Variants in DNASE2B observed in about 807,000 individuals in gnomAD.
DNASE2B encodes the protein deoxyribonuclease 2 beta.
DNASE2B carries 43 observed loss-of-function variants against 46.0 expected under a neutral mutation model. The observed-to-expected ratio is 0.94, with a 90% CI of 0.73 to 1.21. The LOEUF is 1.21. Ranked by LOEUF, DNASE2B falls within the 50% of genes most tolerant of loss-of-function variation. The pLI, the probability that DNASE2B is intolerant of heterozygous loss-of-function variation, is 0.00. For synonymous variants in DNASE2B, 156 were observed against 152.5 expected (o/e 1.02, Z -0.17); for missense variants, 395 against 414.4 (o/e 0.95, Z 0.41).
In DNASE2B at chr1:84,402,073, T is replaced by C. The variant is rs1680431139; in HGVS notation, c.298T>C (p.Ser100Pro). 1 of 1,600,472 alleles carries C rather than the reference T, an allele frequency of 6.2e-7. No homozygotes were observed. Among genetic ancestry groups the C allele is most frequent in the Non-Finnish European group, 8.5e-7 (1 of 1,176,038 alleles). ...ACAACAGCTATATGAAGCATATGCC[T>C]CTAAGGTATGTTATATAGTTAATTG... ...TLQQLYEAYA[S>P]KSNNTAYLIY... The change falls in exon 2 of 6, where the codon TCT becomes CCT. Residue 100 changes from serine (S) to proline (P), a missense_variant. By Grantham distance (74) the Ser-to-Pro change is moderately conservative. Coordinates refer to ENST00000370665, the MANE Select transcript of DNASE2B (RefSeq NM_021233.3).
rs1259907580 is a variant in DNASE2B at position 84,401,968 on chromosome 1, T to C, written c.193T>C (p.Tyr65His). Residue 65 changes from tyrosine (Y) to histidine (H), a missense_variant, in exon 2 of 6, where the codon TAC (tyrosine) becomes CAC (histidine). By Grantham distance (83) the Tyr-to-His change is moderately conservative. Coordinates refer to ENST00000370665, the MANE Select transcript of DNASE2B (RefSeq NM_021233.3). Reference protein sequence around the residue: ...ESGETGLEYLYLDSTTRSWRK... With the variant: ...ESGETGLEYLHLDSTTRSWRK... ...TGGAGAGACTGGGTTAGAGTACCTGTACCTAGACTCTACAACTAGAAGCTG... is the reference window on the plus strand; with the variant it reads ...TGGAGAGACTGGGTTAGAGTACCTGCACCTAGACTCTACAACTAGAAGCTG... The C allele has an allele frequency of 1.9e-6, 3 of 1,604,948 alleles. No individual in the cohort carries two copies. The highest frequency in any genetic ancestry group is 1.7e-5 in the Admixed American group (1 of 58,164).
chr1:84,401,917 T>C lies in DNASE2B; in HGVS notation c.142T>C (p.Leu48=). 1.3e-6 allele frequency: 2 copies of C among 1,518,522 alleles called. No individual in the cohort carries two copies. The highest frequency in any genetic ancestry group is 1.8e-6 in the Non-Finnish European group (2 of 1,139,510). The allele number at this position is 1,518,522 out of a possible 1,614,324, so 94.1% of individuals were successfully genotyped here. A position where few individuals can be genotyped will look rare whatever the true frequency, so the allele number is the denominator to read the frequency against. The change falls in exon 2 of 6, where the codon TTA becomes CTA. Residue 48 remains leucine, a synonymous_variant. Transcript: ENST00000370665. ...GTCTGTTAGGTTTACTTTTTATAAG[T>C]TACCTAAAAGACAAAACAAGGAAAG... ...KAVDWFTFYK[L]PKRQNKESGE...
Position 84,412,426 on chromosome 1 carries a change from A to G in DNASE2B, c.625A>G (p.Met209Val). ...CACCTTTCACCAGGAGCTCATTCAC[A>G]TGCCCCAGCTGTGCACCAGGGCCAG... ...PATFHQELIHMPQLCTRASSS... is the reference protein window; with the variant it reads ...PATFHQELIHVPQLCTRASSS... The change falls in exon 5 of 6, where the codon ATG becomes GTG. Residue 209 changes from methionine (M) to valine (V), a missense_variant. Transcript: ENST00000370665. The G allele has an allele frequency of 6.2e-7, 1 of 1,613,336 alleles. No individual in the cohort carries two copies. The highest frequency in any genetic ancestry group is 8.5e-7 in the Non-Finnish European group (1 of 1,179,588).
intron 1 of DNASE2B, among the ~76,000 whole-genome samples, chr1:84,400,131 G>A (rs539496075): frequency 1.3e-5 from 2 of 152,300 alleles, no homozygotes; most frequent in South Asian, 4.1e-4. Flanking sequence ...CACTTTAGGA[G>A]GCCTAGGCAG....
chr1:84,414,583 C>T lies in DNASE2B; in HGVS notation c.801C>T (p.Thr267=). 6.2e-7 allele frequency: 1 copy of T among 1,614,048 alleles called. No homozygotes were observed. Residue 267 remains threonine (T), a synonymous_variant, in exon 6 of 6, where the codon ACC becomes ACT. Coordinates refer to ENST00000370665, the MANE Select transcript of DNASE2B (RefSeq NM_021233.3). ...TGAAGACACACTTGTTAACAGAAAC[C>T]TGGCAGCGAAAAAGACAAGAGCTTC... The part of the protein sequence containing the change: ...QRLKTHLLTE[T]WQRKRQELPS...
rs1414194445 is a variant in DNASE2B, at chr1:84,405,833, CTT to C, written c.304-2603_304-2602del. 2.6e-5 allele frequency among the ~76,000 whole-genome samples: 4 copies of C among 152,240 alleles called. No individual in the cohort carries two copies. The South Asian group carries it at 8.3e-4, about 32-fold the overall frequency. On this transcript the variant is annotated intron_variant, in intron 2 of 5. Coordinates refer to ENST00000370665, the MANE Select transcript of DNASE2B (RefSeq NM_021233.3). ...TACAGTTAATTTAATGCAGTTATGA[CTT>C]AGTACTGCATATTTATGTTTGTTTA...
chr1:84,398,554 G>A lies in DNASE2B; in HGVS notation c.-11G>A, dbSNP rs1343899944. On this transcript the variant is annotated 5_prime_UTR_variant, in exon 1 of 6. Coordinates refer to ENST00000370665, the MANE Select transcript of DNASE2B (RefSeq NM_021233.3). ...TCTATGGGGAAAGTGTCCTGCTGTG[G>A]CATGAAATAAATGAAACAGAAAATG... The A allele has an allele frequency of 3.1e-6, 5 of 1,613,358 alleles. No homozygotes were observed. In the African/African-American group the frequency reaches 4.0e-5, roughly 13 times the overall value.
At chr1:84,406,614 G>A (rs1398629398) in intron 2 of DNASE2B, among the ~76,000 whole-genome samples, 1 of 152,174 alleles carries the variant, frequency 6.6e-6, no homozygotes, top group Admixed American at 6.5e-5. Flanking sequence ...TGGTTCTGGG[G>A]GGAAAATGAC....
chr1:84,414,565 A>T lies in DNASE2B; in HGVS notation c.783A>T (p.Thr261=). The stretch of plus-strand genomic sequence containing the variant: ...CCTGGATGGCTCAACGGCTGAAGAC[A>T]CACTTGTTAACAGAAACCTGGCAGC... ...FAAWMAQRLK[T]HLLTETWQRK... Residue 261 remains threonine, a synonymous_variant, in exon 6 of 6, where the codon ACA becomes ACT. Coordinates refer to ENST00000370665, the MANE Select transcript of DNASE2B (RefSeq NM_021233.3). 1 of 1,613,790 alleles carries T rather than the reference A, an allele frequency of 6.2e-7. No homozygotes were observed. Among genetic ancestry groups the T allele is most frequent in the Non-Finnish European group, 8.5e-7 (1 of 1,179,862 alleles).
At chr1:84,405,286 G>T (rs1680477525) in intron 2 of DNASE2B, among the ~76,000 whole-genome samples, 2 of 152,052 alleles carry the variant, frequency 1.3e-5, no homozygotes, top group African/African-American at 4.8e-5. Flanking sequence ...TAGCAATCTT[G>T]CACCCATATA....
chr1:84,404,297 T>C (rs1680466817), intron 2 of DNASE2B, among the ~76,000 whole-genome samples: 1 of 152,172 alleles, frequency 6.6e-6, no homozygotes, highest in African/African-American at 2.4e-5. Flanking sequence ...ACCCCCAACC[T>C]TTCTTGCCAT....
intron 3 of DNASE2B, 52 bp downstream of exon 3, chr1:84,408,570 T>C (rs1169369149): frequency 1.3e-6 from 2 of 1,491,602 alleles, no homozygotes; most frequent in Admixed American, 3.9e-5. Context: ...AACAATTTCT[T>C]AAATATTTCA....
rs200871122 is a variant in DNASE2B at position 84,414,622 on chromosome 1, C to A, written c.840C>A (p.Ser280=). ...GACAAGAGCTTCCTTCAAACTGCTCCCTTCCTTACCATGTCTACAATATAA... is the reference window on the plus strand; with the variant it reads ...GACAAGAGCTTCCTTCAAACTGCTCACTTCCTTACCATGTCTACAATATAA... The part of the protein sequence containing the change: ...RKRQELPSNC[S]LPYHVYNIKA... The change falls in exon 6 of 6, where the codon TCC becomes TCA. Residue 280 remains serine, a synonymous_variant. Coordinates refer to ENST00000370665, the MANE Select transcript of DNASE2B (RefSeq NM_021233.3). 3.4e-5 allele frequency: 55 copies of A among 1,614,132 alleles called. No individual in the cohort carries two copies. The East Asian group carries it at 1.2e-3, about 35-fold the overall frequency.
At chr1:84,412,643 G>A in intron 5 of DNASE2B, 97 bp downstream of exon 5, 10 of 1,213,584 alleles carry the variant, frequency 8.2e-6, no homozygotes, top group Admixed American at 2.7e-5. Context: ...CAGAGAAAGA[G>A]AGATGAAAAA....
intron 4 of DNASE2B, among the ~76,000 whole-genome samples, chr1:84,411,683 G>A (rs1259097046): frequency 2.0e-5 from 3 of 152,118 alleles, no homozygotes; most frequent in Admixed American, 2.0e-4. Flanking sequence ...GAGAAGTAGG[G>A]ACAGGTTGGT....
At chr1:84,402,409 G>A (rs975030387) in intron 2 of DNASE2B, among the ~76,000 whole-genome samples, 4 of 152,170 alleles carry the variant, frequency 2.6e-5, no homozygotes, top group Non-Finnish European at 5.9e-5. Context: ...ATAGGGAGAG[G>A]AGCCTCTGCT....
At chr1:84,409,606 T>G (rs1015468714) in intron 3 of DNASE2B, among the ~76,000 whole-genome samples, 1 of 152,180 alleles carries the variant, frequency 6.6e-6, no homozygotes, top group Non-Finnish European at 1.5e-5. Flanking sequence ...AAGCTTTTTA[T>G]TTAGCAAAGT....
At chr1:84,404,500 T>C (rs1038775287) in intron 2 of DNASE2B, among the ~76,000 whole-genome samples, 5 of 152,222 alleles carry the variant, frequency 3.3e-5, no homozygotes, top group African/African-American at 4.8e-5. Flanking sequence ...ATGTGTTCCA[T>C]AGCACTGACA....
At chr1:84,403,953 A>ATTTT (rs562382212) in intron 2 of DNASE2B, among the ~76,000 whole-genome samples, 4 of 108,134 alleles carry the variant, frequency 3.7e-5, no homozygotes, top group Admixed American at 1.0e-4. Context: ...TGCCTGGCTA[A>ATTTT]TTTTTTTTTT....
Sources: gnomAD v4.1 joint callset for allele counts (sites outside exome capture counted in the v4.1 genomes callset) on GRCh38, gnomAD v4.1.1 for gene constraint, MANE v1.5 for transcripts, NCBI Gene and HGNC (gene_info 2026-07-23, HGNC 2026-07-21) for gene names.